The following MACROD2 variants were observed in gnomAD, a reference collection of about 807,000 sequenced individuals.
MACROD2 encodes ADP-ribose glycohydrolase MACROD2.
Under a neutral mutation model 70.4 loss-of-function variants are expected in MACROD2, and 36 were observed. That is an observed-to-expected ratio of 0.51 (90% confidence interval 0.39 to 0.68). MACROD2 has a LOEUF of 0.68. Among genes scored for constraint, MACROD2 ranks in the 30% least tolerant of loss-of-function variants. The pLI is 0.00. For missense variants in MACROD2, 496 were observed against 538.4 expected, an observed-to-expected ratio of 0.92 and a Z score of 0.78; for synonymous variants, 172 against 178.8, an observed-to-expected ratio of 0.96 and a Z score of 0.30.
At chr20:14,285,875 T>C (rs1601436248) in intron 3 of MACROD2, among the ~76,000 whole-genome samples, 1 of 152,204 alleles carries the variant, frequency 6.6e-6, no homozygotes, top group African/African-American at 2.4e-5. Context: ...TACAGTTATG[T>C]ATATCTTTGT....
chr20:14,644,630 A>G (rs988039026), intron 4 of MACROD2, among the ~76,000 whole-genome samples: 10 of 152,308 alleles, frequency 6.6e-5, no homozygotes, highest in African/African-American at 2.4e-4. Context: ...TTTATCGAAT[A>G]TGGAATTAAT....
At chr20:14,831,652 C>T (rs1409232443) in intron 5 of MACROD2, among the ~76,000 whole-genome samples, 3 of 151,278 alleles carry the variant, frequency 2.0e-5, no homozygotes, top group Non-Finnish European at 4.4e-5. Context: ...TGGTGGCGGG[C>T]GCTTGTAATC....
At chr20:15,119,288 AAGGTTTTTGTC>A (rs1224058997) in intron 5 of MACROD2, among the ~76,000 whole-genome samples, 1 of 152,134 alleles carries the variant, frequency 6.6e-6, no homozygotes, top group Non-Finnish European at 1.5e-5. Flanking sequence ...CCTTGGGTTA[AAGGTTTTTGTC>A]AGCTTCTTCT....
chr20:15,647,815 G>A (rs957906141), intron 8 of MACROD2, among the ~76,000 whole-genome samples: 2 of 151,222 alleles, frequency 1.3e-5, no homozygotes, highest in Non-Finnish European at 2.9e-5. Context: ...AGCCTCCCAG[G>A]TTCAAGTGAT....
intron 8 of MACROD2, among the ~76,000 whole-genome samples, chr20:15,682,736 T>G (rs1348914534): frequency 6.6e-6 from 1 of 152,240 alleles, no homozygotes; most frequent in Admixed American, 6.5e-5. Flanking sequence ...TCTGTTTGTG[T>G]TAAAGCATCT....
intron 2 of MACROD2, among the ~76,000 whole-genome samples, chr20:14,036,846 A>G (rs1399963461): frequency 6.6e-6 from 1 of 152,182 alleles, no homozygotes; most frequent in African/African-American, 2.4e-5. Flanking sequence ...TGTTTTTTGT[A>G]GAGACGGGGT....
At chr20:15,194,238 T>A in intron 5 of MACROD2, among the ~76,000 whole-genome samples, 1 of 98,770 alleles carries the variant, frequency 1.0e-5, no homozygotes, top group Non-Finnish European at 1.9e-5. Context: ...AGAGCGACAC[T>A]CTGTCTCAAA....
chr20:15,992,437 T>G (rs1355592238), intron 15 of MACROD2, among the ~76,000 whole-genome samples: 2 of 152,196 alleles, frequency 1.3e-5, no homozygotes, highest in African/African-American at 4.8e-5. Context: ...CCTTTTTTCG[T>G]AAGCTGTCTC....
rs992234433 is a variant in MACROD2 at position 14,842,840 on chromosome 20, C to G, written c.418+157881C>G. The stretch of plus-strand genomic sequence containing the variant: ...CAGTGAAACAACAGAGTCCAATATT[C>G]AATCAGAAAAGAAAATGAACTCTAG... On this transcript the variant is annotated intron_variant, in intron 5 of 17. Coordinates refer to ENST00000684519, the MANE Select transcript of MACROD2 (RefSeq NM_001351661.2). 3.3e-5 allele frequency among the ~76,000 whole-genome samples: 5 copies of G among 152,052 alleles called. No homozygotes were observed. The East Asian group carries it at 9.7e-4, about 29-fold the overall frequency.
At chr20:14,891,528 G>A (rs919399078) in intron 5 of MACROD2, among the ~76,000 whole-genome samples, 2 of 152,026 alleles carry the variant, frequency 1.3e-5, no homozygotes, top group African/African-American at 4.8e-5. Flanking sequence ...AATATCTTTT[G>A]TGCCCAGCCA....
At chr20:15,696,665 G>T (rs899842973) in intron 8 of MACROD2, among the ~76,000 whole-genome samples, 2 of 139,166 alleles carry the variant, frequency 1.4e-5, no homozygotes, top group Non-Finnish European at 3.0e-5. Context: ...CTGTGAATCT[G>T]TCTAGTCCTG....
At chr20:14,189,586 G>T (rs923980792) in intron 3 of MACROD2, among the ~76,000 whole-genome samples, 1 of 152,164 alleles carries the variant, frequency 6.6e-6, no homozygotes, top group Non-Finnish European at 1.5e-5. Flanking sequence ...ACTAGAGGAA[G>T]AAATACTAGT....
At chr20:15,307,025 C>T (rs1445022890) in intron 6 of MACROD2, among the ~76,000 whole-genome samples, 1 of 152,158 alleles carries the variant, frequency 6.6e-6, no homozygotes, top group East Asian at 1.9e-4. Flanking sequence ...ACAGGGGTCT[C>T]TTTTAAACAA....
At chr20:15,480,331 G>A (rs2047079919) in intron 7 of MACROD2, among the ~76,000 whole-genome samples, 2 of 152,170 alleles carry the variant, frequency 1.3e-5, no homozygotes, top group Admixed American at 1.3e-4. Flanking sequence ...TTTGGGGTCT[G>A]TGCCTCATAA....
chr20:15,752,901 A>G (rs572884812), intron 8 of MACROD2, among the ~76,000 whole-genome samples: 2 of 152,296 alleles, frequency 1.3e-5, no homozygotes, highest in South Asian at 4.1e-4. Flanking sequence ...AAGATTTAGC[A>G]TATGAAGAGA....
chr20:15,860,851 C>T lies in MACROD2; in HGVS notation c.646-1894C>T, dbSNP rs555025877. 3.9e-5 allele frequency among the ~76,000 whole-genome samples: 6 copies of T among 152,206 alleles called. No individual in the cohort carries two copies. In the South Asian group the frequency reaches 6.2e-4, roughly 16 times the overall value. ...TTTTGGAATGTTTTTGAGCAGACAG[C>T]GATTCATGAATTGGGCAGCTCCAAA... On this transcript the variant is annotated intron_variant, in intron 8 of 17. Coordinates refer to ENST00000684519, the MANE Select transcript of MACROD2 (RefSeq NM_001351661.2).
intron 6 of MACROD2, among the ~76,000 whole-genome samples, chr20:15,420,215 G>A (rs906603955): frequency 1.3e-5 from 2 of 152,136 alleles, no homozygotes; most frequent in Non-Finnish European, 2.9e-5. Flanking sequence ...TGTCTTCTCG[G>A]AAAATAAAAA....
intron 3 of MACROD2, among the ~76,000 whole-genome samples, chr20:14,221,096 A>G (rs1396255805): frequency 6.6e-6 from 1 of 152,178 alleles, no homozygotes; most frequent in Non-Finnish European, 1.5e-5. Flanking sequence ...ATTCATTTAC[A>G]TGCTGTCAAC....
chr20:15,721,157 G>C (rs2050782077), intron 8 of MACROD2, among the ~76,000 whole-genome samples: 1 of 152,148 alleles, frequency 6.6e-6, no homozygotes, highest in Admixed American at 6.5e-5. Context: ...GGCATGCCAT[G>C]AGCATATCAC....
Sources: allele counts gnomAD v4.1 joint callset (sites outside exome capture counted in the v4.1 genomes callset), GRCh38; gene constraint gnomAD v4.1.1; transcripts MANE v1.5; gene names NCBI Gene and HGNC (gene_info 2026-07-23, HGNC 2026-07-21).